The following SLC16A3 variants were observed in gnomAD, a reference collection of about 807,000 sequenced individuals.
The protein encoded by SLC16A3 is monocarboxylate transporter 4.
In SLC16A3, 22 loss-of-function variants were observed where a neutral mutation model predicts 25.0. The ratio of observed to expected loss-of-function variants is 0.88; its 90% CI spans 0.63 to 1.26. The LOEUF (loss-of-function observed/expected upper bound fraction) is 1.26. Among genes scored for constraint, SLC16A3 ranks in the 50% most tolerant of loss-of-function variants. The probability of loss-of-function intolerance (pLI) is 0.00; values close to 1 mark genes in which losing one functional copy is unlikely to be tolerated. For missense variants in SLC16A3, 731 were observed against 666.6 expected, an observed-to-expected ratio of 1.10 and a Z score of -1.06; for synonymous variants, 390 against 309.2, an observed-to-expected ratio of 1.26 and a Z score of -2.74.
At chr17:82,236,643 G>A in intron 2 of SLC16A3, 86 bp from the exon 3 acceptor site, 4 of 1,537,024 alleles carry the variant, frequency 2.6e-6, no homozygotes, top group Non-Finnish European at 3.5e-6. Flanking sequence ...GGGAAGGGGA[G>A]GCCGGCTCCA....
intron 1 of SLC16A3, among the ~76,000 whole-genome samples, chr17:82,222,115 G>A (rs531927412): frequency 2.2e-4 from 32 of 146,092 alleles, no homozygotes; most frequent in African/African-American, 7.3e-4. Flanking sequence ...GGAGAGGAGC[G>A]TCGCCCTGGG....
At chr17:82,229,145 C>T (rs2050453809) in intron 1 of SLC16A3, 39 bp downstream of exon 1, 1 of 151,688 alleles carries the variant, frequency 6.6e-6, no homozygotes, top group Admixed American at 6.6e-5. Flanking sequence ...GGCCGGGGCC[C>T]AGGAGCTCCC....
chr17:82,221,581 G>C (rs981386450), intron 1 of SLC16A3, among the ~76,000 whole-genome samples: 17 of 107,326 alleles, frequency 1.6e-4, no homozygotes, highest in African/African-American at 7.2e-4. Context: ...ACATAAAAGA[G>C]AATGAAACTA....
chr17:82,227,555 C>A (rs954971616), upstream of SLC16A3, among the ~76,000 whole-genome samples: 4 of 151,996 alleles, frequency 2.6e-5, no homozygotes, highest in African/African-American at 9.7e-5. Flanking sequence ...GATGAATCGC[C>A]TGGTGCAGGA....
intron 1 of SLC16A3, among the ~76,000 whole-genome samples, chr17:82,223,251 C>T (rs987139068): frequency 2.0e-5 from 3 of 151,958 alleles, no homozygotes; most frequent in South Asian, 2.1e-4. Context: ...GTCGCGATCT[C>T]GGCTCACTGC....
At chr17:82,235,832 C>T in intron 1 of SLC16A3, 151 bp from the exon 2 acceptor site, 2 of 614,806 alleles carry the variant, frequency 3.3e-6, no homozygotes. Context: ...CCTGCCTCCA[C>T]CAGACACCAG....
At chr17:82,236,965 G>C in intron 3 of SLC16A3, 93 bp downstream of exon 3, 1 of 1,524,454 alleles carries the variant, frequency 6.6e-7, no homozygotes, top group South Asian at 1.2e-5. Flanking sequence ...GGACAGCAGG[G>C]CGGGTGGCTG....
At chr17:82,222,557 A>C (rs1303935879) in intron 1 of SLC16A3, among the ~76,000 whole-genome samples, 1 of 152,212 alleles carries the variant, frequency 6.6e-6, no homozygotes, top group Non-Finnish European at 1.5e-5. Flanking sequence ...TCATCCCAGC[A>C]CTTTGGGAGG....
chr17:82,219,098 G>A (rs2050373253), intron 1 of SLC16A3, among the ~76,000 whole-genome samples: 1 of 152,254 alleles, frequency 6.6e-6, no homozygotes, highest in South Asian at 2.1e-4. Context: ...GGCCACCCCA[G>A]GCAGGTGTGG....
At chr17:82,221,386 C>T (rs962181419) in intron 1 of SLC16A3, among the ~76,000 whole-genome samples, 2 of 151,980 alleles carry the variant, frequency 1.3e-5, no homozygotes, top group African/African-American at 4.8e-5. Context: ...CATGGTGAAA[C>T]CCTGTCTGTA....
intron 1 of SLC16A3, among the ~76,000 whole-genome samples, chr17:82,218,268 GT>G (rs1370217483): frequency 1.8e-4 from 18 of 101,188 alleles, no homozygotes; most frequent in South Asian, 3.6e-4. Flanking sequence ...CACTGGGGGG[GT>G]GGACGGCCAA....
At chr17:82,238,181 C>G (rs2050664249) in intron 4 of SLC16A3, among the ~76,000 whole-genome samples, 1 of 152,218 alleles carries the variant, frequency 6.6e-6, no homozygotes, top group South Asian at 2.1e-4. Flanking sequence ...CGCGGCAGCT[C>G]CAGGCAACCC....
At position 82,239,887 on chromosome 17, in the gene SLC16A3, G is replaced by T. The variant is rs1262048655; in HGVS notation, c.*911G>T. 1 of 768,414 alleles carries T rather than the reference G, an allele frequency of 1.3e-6. No homozygotes were observed. Among genetic ancestry groups the T allele is most frequent in the South Asian group, 6.7e-5 (1 of 14,974 alleles). The allele number at this position is 768,414 out of a possible 1,614,324, so 47.6% of individuals were successfully genotyped here. ...TCCATCCAGCCCGGCCCAGCGCTTGGGCTTGTCCTGGACACCTAACACCCA... is the reference window on the plus strand; with the variant it reads ...TCCATCCAGCCCGGCCCAGCGCTTGTGCTTGTCCTGGACACCTAACACCCA... On this transcript the variant is annotated 3_prime_UTR_variant, in exon 5 of 5. Coordinates refer to ENST00000582743, the MANE Select transcript of SLC16A3 (RefSeq NM_004207.4).
chr17:82,221,284 G>A (rs2050387682), intron 1 of SLC16A3, among the ~76,000 whole-genome samples: 1 of 152,178 alleles, frequency 6.6e-6, no homozygotes, highest in African/African-American at 2.4e-5. Flanking sequence ...AAAGGGCCGG[G>A]CACGGCAGCT....
rs369657295 is a variant in SLC16A3, at chr17:82,237,728, G to A, written c.958G>A (p.Gly320Ser). 2.5e-5 allele frequency: 41 copies of A among 1,612,048 alleles called. No homozygotes were observed. The highest frequency in any genetic ancestry group is 1.1e-4 in the South Asian group (10 of 91,088). Residue 320 changes from glycine (G) to serine (S), a missense_variant, in exon 4 of 5, where the codon GGC becomes AGC. Physicochemically the swap from Gly to Ser is moderately conservative, Grantham distance 56. Transcript: ENST00000582743. ...GGGTTCTACGGCGGGCGACTACGGC[G>A]GCCTCGTGGTCTTCTGCATCTTCTT... Reference protein sequence around the residue: ...LAGSTAGDYGGLVVFCIFFGI... With the variant: ...LAGSTAGDYGSLVVFCIFFGI...
In SLC16A3 at chr17:82,237,873, T is replaced by TC. The variant is rs1299730456; in HGVS notation, c.1104dup (p.Val369ArgfsTer43). Reference sequence around the variant, plus strand: ...CTGCTGATGGAGGCGGTGGCCGTGCTCGTCGGGCCCCCTTCGGGAGGTGAG... The same window carrying TC: ...CTGCTGATGGAGGCGGTGGCCGTGCTCCGTCGGGCCCCCTTCGGGAGGTGAG... On this transcript the variant is annotated frameshift_variant, in exon 4 of 5. Coordinates refer to ENST00000582743, the MANE Select transcript of SLC16A3 (RefSeq NM_004207.4). LOFTEE classifies it low-confidence loss of function (END_TRUNC). 6.2e-7 allele frequency: 1 copy of TC among 1,600,496 alleles called. No homozygotes were observed. The highest frequency in any genetic ancestry group is 1.3e-5 in the African/African-American group (1 of 75,018).
At chr17:82,237,105 T>TG in intron 3 of SLC16A3, 33 bp from the exon 4 acceptor site, 1 of 1,484,586 alleles carries the variant, frequency 6.7e-7, no homozygotes, top group Non-Finnish European at 9.0e-7. Context: ...GGGGCAGCCT[T>TG]GGGGGGCTCT....
chr17:82,220,008 G>C (rs1568528529), intron 1 of SLC16A3, among the ~76,000 whole-genome samples: 1 of 152,142 alleles, frequency 6.6e-6, no homozygotes, highest in Non-Finnish European at 1.5e-5. Flanking sequence ...CTCAGGGCCG[G>C]GGGGGCCCTT....
chr17:82,236,586 C>CCTGCCCA, intron 2 of SLC16A3, 143 bp from the exon 3 acceptor site: 1 of 1,237,408 alleles, frequency 8.1e-7, no homozygotes, highest in Non-Finnish European at 1.1e-6. Context: ...GCTCGGGGAG[C>CCTGCCCA]CTGCCCACGG....
Sources: gnomAD v4.1 joint callset for allele counts (sites outside exome capture counted in the v4.1 genomes callset) on GRCh38, gnomAD v4.1.1 for gene constraint, MANE v1.5 for transcripts, NCBI Gene and HGNC (gene_info 2026-07-23, HGNC 2026-07-21) for gene names.